Variants in GALNT13 observed in about 807,000 individuals in gnomAD.
GALNT13 encodes the protein polypeptide N-acetylgalactosaminyltransferase 13.
Under a neutral mutation model 64.2 loss-of-function variants are expected in GALNT13, and 28 were observed. That is an observed-to-expected ratio of 0.44 (90% CI 0.32 to 0.60). The LOEUF is 0.60. GALNT13 is among the 20% of genes least tolerant of loss of function. The probability of loss-of-function intolerance (pLI) is 0.05; values close to 1 mark genes in which losing one functional copy is unlikely to be tolerated. For missense variants in GALNT13, 577 were observed against 669.8 expected, an observed-to-expected ratio of 0.86 and a Z score of 1.53; for synonymous variants, 214 against 224.6, an observed-to-expected ratio of 0.95 and a Z score of 0.42.
chr2:153,440,537 CAATG>C, the GALNT13 span, among the ~76,000 whole-genome samples: 5 of 152,328 alleles, frequency 3.3e-5, no homozygotes, highest in East Asian at 9.6e-4. Flanking sequence ...CTGTTTTCCA[CAATG>C]GTTGAACTAA....
At chr2:154,117,653 G>C (rs767045002) in intron 3 of GALNT13, among the ~76,000 whole-genome samples, 6 of 152,132 alleles carry the variant, frequency 3.9e-5, no homozygotes, top group Non-Finnish European at 7.3e-5. Context: ...TTGACCAATG[G>C]AACAGAATAG....
At chr2:153,924,864 A>C (rs1435665209) in intron 2 of GALNT13, among the ~76,000 whole-genome samples, 5 of 152,078 alleles carry the variant, frequency 3.3e-5, no homozygotes, top group African/African-American at 9.7e-5. Flanking sequence ...TTTCTTTTGA[A>C]AAGTGTCTGC....
the GALNT13 span, among the ~76,000 whole-genome samples, chr2:153,179,899 T>C: frequency 6.6e-6 from 1 of 152,174 alleles, no homozygotes; most frequent in East Asian, 1.9e-4. Context: ...ATAAGGTTAC[T>C]GTATCATTTA....
chr2:153,092,616 T>G, the GALNT13 span, among the ~76,000 whole-genome samples: 1 of 152,220 alleles, frequency 6.6e-6, no homozygotes, highest in South Asian at 2.1e-4. Flanking sequence ...GAGATTACTT[T>G]CTGATTTCTT....
At chr2:154,303,572 A>G (rs1343404197) in intron 9 of GALNT13, among the ~76,000 whole-genome samples, 2 of 152,052 alleles carry the variant, frequency 1.3e-5, no homozygotes, top group African/African-American at 4.8e-5. Context: ...TTAAAAAGGA[A>G]AACCTTACTG....
chr2:153,266,298 T>C, the GALNT13 span, among the ~76,000 whole-genome samples: 3 of 152,204 alleles, frequency 2.0e-5, no homozygotes, highest in African/African-American at 4.8e-5. Flanking sequence ...ATTCGTAGTA[T>C]TTGACAACGT....
At chr2:153,838,611 C>T in the GALNT13 span, among the ~76,000 whole-genome samples, 1 of 151,906 alleles carries the variant, frequency 6.6e-6, no homozygotes, top group South Asian at 2.1e-4. Context: ...CTCAATTCTA[C>T]TCTATTGGTG....
At chr2:153,349,855 T>G in the GALNT13 span, among the ~76,000 whole-genome samples, 1 of 152,076 alleles carries the variant, frequency 6.6e-6, no homozygotes, top group South Asian at 2.1e-4. Flanking sequence ...TGATTAACCA[T>G]AGAATCCAAT....
At chr2:154,333,628 T>C (rs1695284933) in intron 9 of GALNT13, among the ~76,000 whole-genome samples, 1 of 152,116 alleles carries the variant, frequency 6.6e-6, no homozygotes, top group Non-Finnish European at 1.5e-5. Flanking sequence ...TAATTTTTAA[T>C]TCACTTGAAA....
At chr2:153,345,905 G>A in the GALNT13 span, among the ~76,000 whole-genome samples, 1 of 150,720 alleles carries the variant, frequency 6.6e-6, no homozygotes, top group Non-Finnish European at 1.5e-5. Context: ...AGGTGATTCT[G>A]TCACCTCAGC....
At chr2:154,445,773 G>C in intron 12 of GALNT13, 1 of 1,279,470 alleles carries the variant, frequency 7.8e-7, no homozygotes, top group Non-Finnish European at 1.0e-6. Context: ...TGTCTGCACT[G>C]GTCTTTCACT....
rs140774421 is a variant in GALNT13, at chr2:154,343,392, G to T, written c.1156+41803G>T. The stretch of plus-strand genomic sequence containing the variant: ...AGTGGTTGTTACTGGAGATAAAATG[G>T]TGAATGACACATTAGGAAAATTTTC... On this transcript the variant is annotated intron_variant, in intron 9 of 12. Transcript: ENST00000392825. Among the ~76,000 whole-genome samples the T allele has an allele frequency of 8.7e-4, 133 of 152,064 alleles. 3 individuals are homozygous for T. In the East Asian group the frequency reaches 0.019, roughly 22 times the overall value.
chr2:153,585,102 G>T, the GALNT13 span, among the ~76,000 whole-genome samples: 8 of 152,106 alleles, frequency 5.3e-5, no homozygotes, highest in Admixed American at 5.2e-4. Context: ...ACCAGTTAAA[G>T]AACTCAAAAT....
chr2:153,487,365 C>T, the GALNT13 span, among the ~76,000 whole-genome samples: 5 of 152,326 alleles, frequency 3.3e-5, no homozygotes, highest in East Asian at 9.6e-4. Flanking sequence ...GTCGTTGGGC[C>T]AGTCGCCTAC....
chr2:153,712,924 C>T, the GALNT13 span, among the ~76,000 whole-genome samples: 53 of 152,194 alleles, frequency 3.5e-4, 1 homozygote, highest in Admixed American at 7.2e-4. Flanking sequence ...CCTGCCCCAC[C>T]GGGGAATATT....
the GALNT13 span, among the ~76,000 whole-genome samples, chr2:153,773,006 G>A: frequency 6.0e-4 from 92 of 152,364 alleles, no homozygotes; most frequent in African/African-American, 2.1e-3. Flanking sequence ...CACTACAGTT[G>A]CCTTTGACTG....
the GALNT13 span, among the ~76,000 whole-genome samples, chr2:153,363,533 T>TA: frequency 3.3e-5 from 5 of 151,772 alleles, no homozygotes; most frequent in Non-Finnish European, 5.9e-5. Context: ...ATAGACATAA[T>TA]AAAAAATGAT....
chr2:153,990,851 C>A (rs1355755825), intron 3 of GALNT13, among the ~76,000 whole-genome samples: 1 of 152,170 alleles, frequency 6.6e-6, no homozygotes, highest in Non-Finnish European at 1.5e-5. Flanking sequence ...ATGGTGATAG[C>A]TGTTGTTTCA....
At chr2:153,086,816 T>C in the GALNT13 span, among the ~76,000 whole-genome samples, 2 of 152,150 alleles carry the variant, frequency 1.3e-5, no homozygotes, top group African/African-American at 4.8e-5. Context: ...TGCTGCTGAC[T>C]TGTGTGCATT....
Sources: allele counts gnomAD v4.1 joint callset (sites outside exome capture counted in the v4.1 genomes callset), GRCh38; gene constraint gnomAD v4.1.1; transcripts MANE v1.5; gene names NCBI Gene and HGNC (gene_info 2026-07-23, HGNC 2026-07-21).